Variants in GOSR2 observed in about 807,000 individuals in gnomAD.
The protein encoded by GOSR2 is 27 kDa Golgi SNARE protein.
GOSR2 carries 20 observed loss-of-function variants against 27.9 expected under a neutral mutation model. The ratio of observed to expected loss-of-function variants is 0.72; its 90% CI spans 0.50 to 1.04. The LOEUF (loss-of-function observed/expected upper bound fraction) is 1.04. Among genes scored for constraint, GOSR2 ranks in the 50% least tolerant of loss-of-function variants. The pLI is 0.00. For synonymous variants in GOSR2, 91 were observed against 98.8 expected (o/e 0.92, Z 0.47); for missense variants, 261 against 270.5 (o/e 0.97, Z 0.25).
chr17:46,956,661 G>A lies in GOSR2; in HGVS notation c.584-9873G>A, dbSNP rs1025539962. ...TGATTGTGTAATGATGAATCCCTTC[G>A]TTAGGAAGCTTGTCAAATGCAAGTA... On this transcript the variant is annotated intron_variant, in intron 6 of 6. Coordinates refer to the GOSR2 transcript ENST00000573224. 4.6e-5 allele frequency among the ~76,000 whole-genome samples: 7 copies of A among 152,218 alleles called. No homozygotes were observed. In the East Asian group the frequency reaches 5.8e-4, roughly 13 times the overall value.
chr17:46,943,528 C>T (rs1012015269), downstream of GOSR2, among the ~76,000 whole-genome samples: 2 of 152,250 alleles, frequency 1.3e-5, no homozygotes, highest in Non-Finnish European at 2.9e-5. Flanking sequence ...CCTGCCCCTC[C>T]CCTCCAAACA....
Position 46,935,940 on chromosome 17 carries a change from G to A in GOSR2, c.477+771G>A, listed in dbSNP as rs1290837359. The A allele has an allele frequency of 6.1e-6, 6 of 985,770 alleles. No individual in the cohort carries two copies. In the South Asian group the frequency reaches 1.4e-4, roughly 23 times the overall value. The allele number at this position is 985,770 out of a possible 1,614,324, so 61.1% of individuals were successfully genotyped here. On this transcript the variant is annotated intron_variant, in intron 5 of 5. Transcript: ENST00000640051. ...TGAATGAAGCACTCCCAGCCACTGAGCTGTGAGAAACAGTCACTCGGAAGT... is the reference window on the plus strand; with the variant it reads ...TGAATGAAGCACTCCCAGCCACTGAACTGTGAGAAACAGTCACTCGGAAGT...
intron 2 of GOSR2, chr17:46,930,878 A>G (rs2087262535): frequency 2.0e-6 from 1 of 500,452 alleles, no homozygotes; most frequent in Non-Finnish European, 3.6e-6. Context: ...AAAAATTGGC[A>G]TTGTTATGTC....
chr17:46,936,741 G>T (rs1034824133), intron 5 of GOSR2: 8 of 983,982 alleles, frequency 8.1e-6, no homozygotes, highest in Non-Finnish European at 9.7e-6. Context: ...AGCCAAGCAG[G>T]ACTTTAGCAA....
At chr17:46,935,352 A>G in intron 5 of GOSR2, 183 bp downstream of exon 5, 1 of 1,459,672 alleles carries the variant, frequency 6.9e-7, no homozygotes. Context: ...GAAAGTACCC[A>G]GTTCCTTTGC....
intron 6 of GOSR2, among the ~76,000 whole-genome samples, chr17:46,960,793 A>C (rs908642378): frequency 6.6e-6 from 1 of 152,210 alleles, no homozygotes; most frequent in Non-Finnish European, 1.5e-5. Context: ...TTTGAAATTC[A>C]GGAAAAGAAA....
intron 6 of GOSR2, among the ~76,000 whole-genome samples, chr17:46,952,367 TC>T (rs2090425149): frequency 6.6e-6 from 1 of 152,196 alleles, no homozygotes; most frequent in South Asian, 2.1e-4. Flanking sequence ...ATCAGAATCT[TC>T]CCTGGAATTC....
In GOSR2 at chr17:46,966,013, CTCTT is replaced by C. The variant is rs142154247; in HGVS notation, c.584-513_584-510del. Among the ~76,000 whole-genome samples, 3,955 of 152,198 alleles carry C rather than the reference CTCTT, an allele frequency of 0.026. 403 individuals are homozygous for C. In the East Asian group the frequency reaches 0.35, roughly 13 times the overall value. On this transcript the variant is annotated intron_variant, in intron 6 of 6. Transcript: ENST00000573224. ...TAGCCCACCATCTTGACCTAACCTT[CTCTT>C]TCTTTCTCCACTTTTAATGTCTATA... is the stretch of plus-strand genomic sequence containing the variant.
At chr17:46,933,601 A>G (rs574760589) in intron 4 of GOSR2, 2 of 150,260 alleles carry the variant, frequency 1.3e-5, no homozygotes, top group South Asian at 4.2e-4. Flanking sequence ...ATGATTCCAA[A>G]TCTGAGCAGC....
chr17:46,945,998 C>A, downstream of GOSR2, among the ~76,000 whole-genome samples: 1 of 152,162 alleles, frequency 6.6e-6, no homozygotes, highest in Non-Finnish European at 1.5e-5. Flanking sequence ...GGCAGCCTCT[C>A]TTACCTCAAT....
intron 1 of GOSR2, among the ~76,000 whole-genome samples, chr17:46,927,882 A>C (rs1345489841): frequency 2.0e-5 from 3 of 151,942 alleles, no homozygotes; most frequent in African/African-American, 7.3e-5. Flanking sequence ...TGTTGATCAT[A>C]TTACCAACTT....
At chr17:46,934,102 G>C (rs1165699216) in intron 4 of GOSR2, among the ~76,000 whole-genome samples, 1 of 152,196 alleles carries the variant, frequency 6.6e-6, no homozygotes, top group African/African-American at 2.4e-5. Flanking sequence ...GGGCGTTGGT[G>C]TTTCCCTCTA....
At chr17:46,962,556 G>A (rs1011467609) in intron 6 of GOSR2, among the ~76,000 whole-genome samples, 8 of 152,220 alleles carry the variant, frequency 5.3e-5, no homozygotes, top group Non-Finnish European at 1.2e-4. Context: ...GAAGAAAGCT[G>A]CCATACATCA....
At chr17:46,974,705 GC>G (rs1957485982) in intron 6 of GOSR2, among the ~76,000 whole-genome samples, 1 of 149,634 alleles carries the variant, frequency 6.7e-6, no homozygotes, top group Non-Finnish European at 1.5e-5. Flanking sequence ...CTGCACTCCA[GC>G]CTGGGGGACA....
chr17:46,925,892 A>C (rs1486232167), intron 1 of GOSR2, among the ~76,000 whole-genome samples: 1 of 152,230 alleles, frequency 6.6e-6, no homozygotes, highest in African/African-American at 2.4e-5. Flanking sequence ...TTTTACACTT[A>C]AATGTTTAAT....
Position 46,939,454 on chromosome 17 carries a change from C to G in GOSR2, c.*694C>G. 2 of 987,170 alleles carry G rather than the reference C, an allele frequency of 2.0e-6. No homozygotes were observed. Among genetic ancestry groups the G allele is most frequent in the Non-Finnish European group, 2.4e-6 (2 of 830,912 alleles). 61.2% of individuals were successfully genotyped at this position (987,170 alleles called of 1,614,324 possible). On this transcript the variant is annotated 3_prime_UTR_variant, in exon 6 of 6. Coordinates refer to ENST00000640051, the MANE Select transcript of GOSR2 (RefSeq NM_004287.5). Reference sequence around the variant, plus strand: ...TTCCCGGGAGTGTTCAGTCTTGACCCTAGTCACTGATTTTTTCTAGTTGTT... The same window carrying G: ...TTCCCGGGAGTGTTCAGTCTTGACCGTAGTCACTGATTTTTTCTAGTTGTT...
intron 6 of GOSR2, among the ~76,000 whole-genome samples, chr17:46,954,576 G>A (rs895399237): frequency 2.0e-5 from 3 of 152,180 alleles, no homozygotes; most frequent in Non-Finnish European, 2.9e-5. Flanking sequence ...GTCATTGGTA[G>A]CTTGATGGGG....
At chr17:46,927,262 T>C (rs2086631376) in intron 1 of GOSR2, among the ~76,000 whole-genome samples, 2 of 152,238 alleles carry the variant, frequency 1.3e-5, no homozygotes, top group Admixed American at 1.3e-4. Flanking sequence ...AACAATTCTT[T>C]ATATATTTTC....
At chr17:46,935,544 G>A in intron 5 of GOSR2, 1 of 1,234,556 alleles carries the variant, frequency 8.1e-7, no homozygotes, top group Non-Finnish European at 1.0e-6. Flanking sequence ...TCGCTTTAAG[G>A]TGGCTTTCCC....
Sources: allele counts gnomAD v4.1 joint callset (sites outside exome capture counted in the v4.1 genomes callset), GRCh38; gene constraint gnomAD v4.1.1; transcripts MANE v1.5; gene names NCBI Gene and HGNC (gene_info 2026-07-23, HGNC 2026-07-21).